DCHS1: variants seen among roughly 807,000 people sequenced by gnomAD.
The protein encoded by DCHS1 is protocadherin-16.
A neutral mutation model predicts 213.9 loss-of-function variants in DCHS1; 78 were observed. The observed-to-expected ratio is 0.36, with a 90% CI of 0.30 to 0.44. The LOEUF is 0.44. DCHS1 is among the 20% of genes least tolerant of loss of function. The pLI, the probability that DCHS1 is intolerant of heterozygous loss-of-function variation, is 1.00. For missense variants in DCHS1, 3,946 were observed against 4,395.9 expected (o/e 0.90, Z 2.89); for synonymous variants, 1,828 against 1,873.7 (o/e 0.98, Z 0.63).
intron 1 of DCHS1, among the ~76,000 whole-genome samples, chr11:6,647,533 G>C (rs1376595022): frequency 6.6e-6 from 1 of 152,320 alleles, no homozygotes; most frequent in Admixed American, 6.5e-5. Context: ...GAGCAAAAGA[G>C]GCAGAGGAAA....
chr11:6,639,019 G>A (rs1856025409), intron 2 of DCHS1, among the ~76,000 whole-genome samples: 1 of 151,946 alleles, frequency 6.6e-6, no homozygotes, highest in African/African-American at 2.4e-5. Context: ...GCTGAGGCAG[G>A]AGAATGGCGT....
Position 6,622,967 on chromosome 11 carries a change from T to A in DCHS1, c.8709A>T (p.Ile2903=). ...EAPRELRLEV[I]ARGPLPGSRS... ...GGGAACCAGGCAGAGGCCCCCGTGC[T>A]ATCACCTCCAGCCTCAGCTCCCGTG... is the stretch of plus-strand genomic sequence containing the variant. Residue 2903 remains isoleucine (I), a synonymous_variant, in exon 21 of 21, where the codon ATA becomes ATT. Coordinates refer to ENST00000299441, the MANE Select transcript of DCHS1 (RefSeq NM_003737.4). The surrounding 1 kb of genome is among the most constrained non-coding windows in gnomAD (Gnocchi z 5.4). The A allele has an allele frequency of 6.3e-7, 1 of 1,575,842 alleles. No homozygotes were observed. Among genetic ancestry groups the A allele is most frequent in the Non-Finnish European group, 8.6e-7 (1 of 1,161,252 alleles).
intron 1 of DCHS1, among the ~76,000 whole-genome samples, chr11:6,643,786 T>A (rs1038506932): frequency 6.6e-6 from 1 of 152,202 alleles, no homozygotes; most frequent in African/African-American, 2.4e-5. Context: ...TGGAGACACA[T>A]GTCCAGCCAT....
At chr11:6,652,820 C>G (rs1037428955) in intron 1 of DCHS1, among the ~76,000 whole-genome samples, 1 of 152,220 alleles carries the variant, frequency 6.6e-6, no homozygotes, top group African/African-American at 2.4e-5. Context: ...TTTCCTTCAC[C>G]CCACCATGTC....
chr11:6,623,557 G>A lies in DCHS1; in HGVS notation c.8119C>T (p.Pro2707Ser), dbSNP rs150262490. 73 of 1,612,882 alleles carry A rather than the reference G, an allele frequency of 4.5e-5. No individual in the cohort carries two copies. In the African/African-American group the frequency reaches 8.9e-4, roughly 20 times the overall value. ...ACGCTGGTGCTGAGTAAGTTCAGTG[G>A]GAAGGCTGGGCCATGATCATTCACA... Reference protein sequence around the residue: ...QDVNDHGPAFPLNLLSTSVAE... With the variant: ...QDVNDHGPAFSLNLLSTSVAE... The change falls in exon 21 of 21, where the codon CCA becomes TCA. Residue 2707 changes from proline to serine, a missense_variant. Pro to Ser is a moderately conservative substitution (Grantham distance 74, BLOSUM62 -1). Coordinates refer to ENST00000299441, the MANE Select transcript of DCHS1 (RefSeq NM_003737.4).
chr11:6,655,787 C>G lies in DCHS1; in HGVS notation c.-345G>C. Reference sequence around the variant, plus strand: ...GGGCGCCGCCTCCTGCACAGCCGCCCCGCCGAGGATGCGAGCTCCGCTGCC... The same window carrying G: ...GGGCGCCGCCTCCTGCACAGCCGCCGCGCCGAGGATGCGAGCTCCGCTGCC... On this transcript the variant is annotated 5_prime_UTR_variant, in exon 1 of 21. Transcript: ENST00000299441. 2.0e-6 allele frequency: 2 copies of G among 979,200 alleles called. No individual in the cohort carries two copies. The highest frequency in any genetic ancestry group is 2.4e-6 in the Non-Finnish European group (2 of 827,044). The allele number at this position is 979,200 out of a possible 1,614,324, so 60.7% of individuals were successfully genotyped here.
At chr11:6,655,052 C>G (rs1414871759) in intron 1 of DCHS1, among the ~76,000 whole-genome samples, 3 of 152,132 alleles carry the variant, frequency 2.0e-5, no homozygotes, top group Non-Finnish European at 4.4e-5. Context: ...GTACTTCTCC[C>G]CACTCAGTTT....
At chr11:6,644,699 T>C (rs1856130675) in intron 1 of DCHS1, among the ~76,000 whole-genome samples, 1 of 152,236 alleles carries the variant, frequency 6.6e-6, no homozygotes, top group South Asian at 2.1e-4. Flanking sequence ...CCGTGCTAAA[T>C]GAATGGTCAG....
At chr11:6,637,648 C>A (rs1198515426) in intron 2 of DCHS1, among the ~76,000 whole-genome samples, 3 of 151,886 alleles carry the variant, frequency 2.0e-5, no homozygotes, top group Non-Finnish European at 4.4e-5. Flanking sequence ...CCATCTGATA[C>A]TCTCATAAAT....
intron 20 of DCHS1, 92 bp downstream of exon 20, chr11:6,624,638 G>T (rs1408744600): frequency 6.4e-7 from 1 of 1,562,904 alleles, no homozygotes; most frequent in Non-Finnish European, 8.7e-7. Context: ...AGATCCAGGA[G>T]TTAAAGAGTT....
In DCHS1 at chr11:6,630,257, C is replaced by CCAG. The variant is rs755079334; in HGVS notation, c.4534_4536dup (p.Leu1512dup). The CCAG allele has an allele frequency of 1.9e-6, 3 of 1,542,606 alleles. No homozygotes were observed. The highest frequency in any genetic ancestry group is 2.6e-6 in the Non-Finnish European group (3 of 1,147,612). ...TTGGCGGGCCGGTCGGTGGCTTCCA[C>CCAG]CAGCAGCAGCAGCGCGGGAGTGGTC... On this transcript the variant is annotated inframe_insertion, in exon 10 of 21. Transcript: ENST00000299441.
rs1439589013 is a variant in DCHS1 at position 6,640,439 on chromosome 11, T to C, written c.1175A>G (p.Asp392Gly). 1 of 1,613,794 alleles carries C rather than the reference T, an allele frequency of 6.2e-7. No homozygotes were observed. The highest frequency in any genetic ancestry group is 2.2e-5 in the East Asian group (1 of 44,890). ...ATGGGCAAAGTCACCATCATCTGGG[T>C]CTGACACAGAGATGCGAGCAACGAG... ...GQLVARISVS[D>G]PDDGDFAHVN... is the part of the protein sequence containing the mutation. The change falls in exon 2 of 21, where the codon GAC becomes GGC. Residue 392 changes from aspartate (D) to glycine (G), a missense_variant. This residue lies in a region of DCHS1 where 3,384 missense variants were observed against 3,780.1 expected (regional missense o/e 0.90). Coordinates refer to ENST00000299441, the MANE Select transcript of DCHS1 (RefSeq NM_003737.4). This position sits in a 1 kb window ranked among gnomAD's most constrained non-coding sequence, Gnocchi z 6.5.
chr11:6,625,987 C>T lies in DCHS1; in HGVS notation c.6664G>A (p.Val2222Ile), dbSNP rs1009246246. 2.4e-5 allele frequency: 38 copies of T among 1,613,318 alleles called. No homozygotes were observed. The highest frequency in any genetic ancestry group is 1.6e-4 in the Middle Eastern group (1 of 6,082). Residue 2222 changes from valine to isoleucine, a missense_variant, in exon 17 of 21, where the codon GTA becomes ATA. Around this residue, in one of 3 missense-constraint regions of DCHS1, gnomAD observed 3,384 missense variants for 3,780.1 expected, o/e 0.90. Coordinates refer to ENST00000299441, the MANE Select transcript of DCHS1 (RefSeq NM_003737.4). The surrounding 1 kb of genome is among the most constrained non-coding windows in gnomAD (Gnocchi z 5.3). Reference protein sequence around the residue: ...ASQPARGLFHVDPTTGTITTT... With the variant: ...ASQPARGLFHIDPTTGTITTT... Reference sequence around the variant, plus strand: ...GTGATAGTGCCTGTGGTTGGGTCTACGTGGAACAATCCACGTGCCGGCTGG... The same window carrying T: ...GTGATAGTGCCTGTGGTTGGGTCTATGTGGAACAATCCACGTGCCGGCTGG...
At position 6,625,861 on chromosome 11, in the gene DCHS1, AG is replaced by A. The variant is rs1322102938; in HGVS notation, c.6731+58del. ...CCAAGGGACCAGATGAGTTCAAGGCAGGGCTTGAAACTGGACAGGCCCAAGA... is the reference window on the plus strand; with the variant it reads ...CCAAGGGACCAGATGAGTTCAAGGCAGGCTTGAAACTGGACAGGCCCAAGA... On this transcript the variant is annotated intron_variant, in intron 17 of 20. Transcript: ENST00000299441. This position sits in a 1 kb window ranked among gnomAD's most constrained non-coding sequence, Gnocchi z 5.3. 2.5e-6 allele frequency: 4 copies of A among 1,596,718 alleles called. No individual in the cohort carries two copies. In the East Asian group the frequency reaches 9.0e-5, roughly 36 times the overall value.
chr11:6,648,219 G>A (rs1856194346), intron 1 of DCHS1, among the ~76,000 whole-genome samples: 1 of 152,214 alleles, frequency 6.6e-6, no homozygotes, highest in Non-Finnish European at 1.5e-5. Flanking sequence ...TGTGGCCTTA[G>A]AGACTCCATC....
rs149439642 is a variant in DCHS1 at position 6,640,480 on chromosome 11, G to C, written c.1134C>G (p.Ala378=). Reference sequence around the variant, plus strand: ...GAGCAACGAGCTGTCCAGGTGGGGCGGCCTCAGACACTTGGGGGGAGCCAT... The same window carrying C: ...GAGCAACGAGCTGTCCAGGTGGGGCCGCCTCAGACACTTGGGGGGAGCCAT... ...SADGSPQVSE[A]APPGQLVARI... is the part of the protein sequence containing the mutation. The change falls in exon 2 of 21, where the codon GCC becomes GCG. Residue 378 remains alanine, a synonymous_variant. Coordinates refer to ENST00000299441, the MANE Select transcript of DCHS1 (RefSeq NM_003737.4). This position sits in a 1 kb window ranked among gnomAD's most constrained non-coding sequence, Gnocchi z 6.5. The C allele has an allele frequency of 1.2e-4, 200 of 1,613,584 alleles. No homozygotes were observed. In the African/African-American group the frequency reaches 2.5e-3, roughly 20 times the overall value.
In DCHS1 at chr11:6,627,369, C is replaced by A; in HGVS notation, c.5670G>T (p.Val1890=). ...CTGTACCGGCGCCCAGGTAGTAGGT[C>A]ACATGGCCATTAGCTCCAGCATCAG... ...HDPDAGANGH[V]TYYLGAGTAG... is the part of the protein sequence containing the mutation. The change falls in exon 14 of 21, where the codon GTG becomes GTT. Residue 1890 remains valine, a synonymous_variant. Coordinates refer to ENST00000299441, the MANE Select transcript of DCHS1 (RefSeq NM_003737.4). The surrounding 1 kb of genome is among the most constrained non-coding windows in gnomAD (Gnocchi z 5.4). The A allele has an allele frequency of 1.2e-6, 2 of 1,607,858 alleles. No individual in the cohort carries two copies. Among genetic ancestry groups the A allele is most frequent in the South Asian group, 1.1e-5 (1 of 90,170 alleles).
chr11:6,623,677 A>G lies in DCHS1; in HGVS notation c.7999T>C (p.Cys2667Arg). 2 of 1,613,814 alleles carry G rather than the reference A, an allele frequency of 1.2e-6. No homozygotes were observed. Among genetic ancestry groups the G allele is most frequent in the African/African-American group, 2.7e-5 (2 of 75,072 alleles). Reference sequence around the variant, plus strand: ...AGCTGATGTCGAGCCTGGGTCTCACAGTCCAGGGCATGGGCCAGTCGCAAG... The same window carrying G: ...AGCTGATGTCGAGCCTGGGTCTCACGGTCCAGGGCATGGGCCAGTCGCAAG... ...GTLRLAHALDCETQARHQLVV... is the reference protein window; with the variant it reads ...GTLRLAHALDRETQARHQLVV... The change falls in exon 21 of 21, where the codon TGT (cysteine) becomes CGT (arginine). Residue 2667 changes from cysteine (C) to arginine (R), a missense_variant. This residue lies in a region of DCHS1 where 3,384 missense variants were observed against 3,780.1 expected (regional missense o/e 0.90). Coordinates refer to ENST00000299441, the MANE Select transcript of DCHS1 (RefSeq NM_003737.4).
rs936508992 is a variant in DCHS1 at position 6,625,952 on chromosome 11, G to C, written c.6699C>G (p.Ala2233=). The C allele has an allele frequency of 6.2e-7, 1 of 1,613,538 alleles. No homozygotes were observed. Among genetic ancestry groups the C allele is most frequent in the African/African-American group, 1.3e-5 (1 of 74,938 alleles). The change falls in exon 17 of 21, where the codon GCC becomes GCG. Residue 2233 remains alanine, a synonymous_variant. Coordinates refer to ENST00000299441, the MANE Select transcript of DCHS1 (RefSeq NM_003737.4). This position sits in a 1 kb window ranked among gnomAD's most constrained non-coding sequence, Gnocchi z 5.3. ...DPTTGTITTT[A]ILDREIWAET... The stretch of plus-strand genomic sequence containing the variant: ...CAGCCCAGATCTCACGGTCCAGGAT[G>C]GCTGTGGTAGTGATAGTGCCTGTGG...
Sources: gnomAD v4.1 joint callset for allele counts (sites outside exome capture counted in the v4.1 genomes callset) on GRCh38, gnomAD v4.1.1 for gene constraint, gnomAD v4.1.1 regional missense constraint, Gnocchi (gnomAD v3.1) non-coding constraint, MANE v1.5 for transcripts, NCBI Gene and HGNC (gene_info 2026-07-23, HGNC 2026-07-21) for gene names.